The following HDGFL3 variants were observed in gnomAD, a reference collection of about 807,000 sequenced individuals.
The protein encoded by HDGFL3 is hepatoma-derived growth factor-related protein 3.
HDGFL3 carries 6 observed loss-of-function variants against 27.6 expected under a neutral mutation model. The observed-to-expected ratio is 0.22, with a 90% CI of 0.12 to 0.43. The LOEUF (loss-of-function observed/expected upper bound fraction) is 0.43, where lower values mean the gene tolerates loss of function less well. HDGFL3 is among the 20% of genes least tolerant of loss of function. The pLI, the probability that HDGFL3 is intolerant of heterozygous loss-of-function variation, is 1.00. For missense variants in HDGFL3, 207 were observed against 250.1 expected (o/e 0.83, Z 1.16); for synonymous variants, 88 against 88.9 (o/e 0.99, Z 0.05).
chr15:83,151,225 G>A lies in HDGFL3; in HGVS notation c.596C>T (p.Thr199Ile). ...TAAGCACATCCTTACCCCTTCACTG[G>A]TTTTCTGCAAGTCTGAAGTTGTGTT... ...TRNTTSDLQK[T>I]SEGT The change falls in exon 5 of 6, where the codon ACC becomes ATC. Residue 199 changes from threonine (T) to isoleucine (I), a missense_variant. Physicochemically the swap from Thr to Ile is moderately conservative, Grantham distance 89 (BLOSUM62 -1). Transcript: ENST00000299633. 6.2e-7 allele frequency: 1 copy of A among 1,612,290 alleles called. No homozygotes were observed. The highest frequency in any genetic ancestry group is 8.5e-7 in the Non-Finnish European group (1 of 1,179,686).
chr15:83,158,768 C>T (rs2037062539), intron 2 of HDGFL3, among the ~76,000 whole-genome samples: 1 of 152,210 alleles, frequency 6.6e-6, no homozygotes, highest in Non-Finnish European at 1.5e-5. Flanking sequence ...TAGGCATCCA[C>T]TGGAGGTCTT....
chr15:83,141,306 A>G (rs2036766083), intron 5 of HDGFL3, among the ~76,000 whole-genome samples: 1 of 152,146 alleles, frequency 6.6e-6, no homozygotes, highest in African/African-American at 2.4e-5. Flanking sequence ...GCACACTGAG[A>G]GGCTATAGGG....
intron 1 of HDGFL3, chr15:83,169,161 C>G: frequency 2.3e-6 from 1 of 433,290 alleles, no homozygotes; most frequent in Non-Finnish European, 4.6e-6. Flanking sequence ...CAATATCATA[C>G]CAAACAGGCA....
chr15:83,171,354 G>A (rs1229409335), intron 1 of HDGFL3, among the ~76,000 whole-genome samples: 2 of 152,138 alleles, frequency 1.3e-5, no homozygotes, highest in Non-Finnish European at 2.9e-5. Flanking sequence ...AAGAACTTAT[G>A]AATAGAACTA....
At chr15:83,164,426 C>CAGTGAAT (rs939762720) in intron 1 of HDGFL3, among the ~76,000 whole-genome samples, 2 of 115,242 alleles carry the variant, frequency 1.7e-5, no homozygotes, top group Admixed American at 1.8e-4. Context: ...TTTTGAGTAA[C>CAGTGAAT]AGTGAATACA....
At position 83,133,723 on chromosome 15, in the gene HDGFL3, T is replaced by G; in HGVS notation, c.*5547A>C. 1 of 152,280 alleles carries G rather than the reference T, an allele frequency of 6.6e-6. No homozygotes were observed. The highest frequency in any genetic ancestry group is 1.9e-4 in the East Asian group (1 of 5,196). 9.4% of individuals were successfully genotyped at this position (152,280 alleles called of 1,614,324 possible). ...CTTCAGGTCCTGCCATGAGAGGCCT[T>G]GTGCTGCTGGGAACATCACCCAGGA... On this transcript the variant is annotated 3_prime_UTR_variant, in exon 6 of 6. Coordinates refer to ENST00000299633, the MANE Select transcript of HDGFL3 (RefSeq NM_016073.4).
chr15:83,199,928 C>T (rs1206117142), intron 1 of HDGFL3, among the ~76,000 whole-genome samples: 1 of 151,436 alleles, frequency 6.6e-6, no homozygotes, highest in Non-Finnish European at 1.5e-5. Context: ...CACCTGTAAT[C>T]TCAGCTACTC....
chr15:83,139,727 T>G (rs1324176401), intron 5 of HDGFL3, among the ~76,000 whole-genome samples: 2 of 152,166 alleles, frequency 1.3e-5, no homozygotes, highest in Non-Finnish European at 2.9e-5. Flanking sequence ...ACTTAATTAC[T>G]TGTGACACAT....
At chr15:83,150,785 A>G (rs1032518881) in intron 5 of HDGFL3, among the ~76,000 whole-genome samples, 1 of 152,172 alleles carries the variant, frequency 6.6e-6, no homozygotes, top group African/African-American at 2.4e-5. Context: ...CATTGCTTGC[A>G]TATTTAAAGT....
In HDGFL3 at chr15:83,136,432, A is replaced by G; in HGVS notation, c.*2838T>C. ...CCATTCAGAACTCATCATGCATCCA[A>G]CTGAACACGTTTCATGCTTACTCAA... On this transcript the variant is annotated 3_prime_UTR_variant, in exon 6 of 6. Transcript: ENST00000299633. The G allele has an allele frequency of 6.6e-7, 1 of 1,511,544 alleles. No homozygotes were observed. Among genetic ancestry groups the G allele is most frequent in the Middle Eastern group, 1.8e-4 (1 of 5,628 alleles). 93.6% of individuals were successfully genotyped at this position (1,511,544 alleles called of 1,614,324 possible).
At chr15:83,178,655 C>A (rs1006788374) in intron 1 of HDGFL3, among the ~76,000 whole-genome samples, 2 of 151,088 alleles carry the variant, frequency 1.3e-5, no homozygotes, top group African/African-American at 4.9e-5. Flanking sequence ...GACCCTGTCT[C>A]AAAAAATAAA....
At position 83,134,647 on chromosome 15, in the gene HDGFL3, G is replaced by A. The variant is rs965002336; in HGVS notation, c.*4623C>T. On this transcript the variant is annotated 3_prime_UTR_variant, in exon 6 of 6. Transcript: ENST00000299633. ...TTACACAGGCTCCCCTATGCAAGTA[G>A]GCACAACTGCTCATATTTATTCTCT... The A allele has an allele frequency of 6.6e-6, 1 of 152,204 alleles. No individual in the cohort carries two copies. The highest frequency in any genetic ancestry group is 1.9e-4 in the East Asian group (1 of 5,188). 9.4% of individuals were successfully genotyped at this position (152,204 alleles called of 1,614,324 possible).
Position 83,163,924 on chromosome 15 carries a change from T to C in HDGFL3, c.161+75A>G, listed in dbSNP as rs1486853512. ...ATAATGATTTTAATAAGACGTAAGA[T>C]GTCAGAGATCATCCATAACAATGTA... On this transcript the variant is annotated intron_variant, in intron 2 of 5. Transcript: ENST00000299633. The C allele has an allele frequency of 3.3e-6, 3 of 919,284 alleles. No individual in the cohort carries two copies. The African/African-American group carries it at 5.0e-5, about 15-fold the overall frequency. The allele number at this position is 919,284 out of a possible 1,614,324, so 56.9% of individuals were successfully genotyped here.
chr15:83,157,706 C>A, intron 3 of HDGFL3, 133 bp from the exon 4 acceptor site: 1 of 1,019,114 alleles, frequency 9.8e-7, no homozygotes, highest in Non-Finnish European at 1.4e-6. Flanking sequence ...AAAGGGCTGT[C>A]AAACTGAATT....
At chr15:83,205,275 C>A (rs2037703131) in intron 1 of HDGFL3, among the ~76,000 whole-genome samples, 1 of 152,138 alleles carries the variant, frequency 6.6e-6, no homozygotes, top group South Asian at 2.1e-4. Context: ...CTTTTTCTAA[C>A]CTTTACCTTT....
rs551744995 is a variant in HDGFL3, at chr15:83,138,481, T to G, written c.*789A>C. The G allele has an allele frequency of 1.6e-4, 25 of 152,712 alleles. No individual in the cohort carries two copies. Among genetic ancestry groups the G allele is most frequent in the South Asian group, 1.0e-3 (5 of 4,824 alleles). 9.5% of individuals were successfully genotyped at this position (152,712 alleles called of 1,614,324 possible). A position where few individuals can be genotyped will look rare whatever the true frequency, so the allele number is the denominator to read the frequency against. On this transcript the variant is annotated 3_prime_UTR_variant, in exon 6 of 6. Transcript: ENST00000299633. ...AACAGTTTATTTTAAAAGTCTACAT[T>G]TAAAAGTCAATGCTTTGTCTGGTTT...
intron 1 of HDGFL3, among the ~76,000 whole-genome samples, chr15:83,185,562 C>T (rs899811205): frequency 6.6e-6 from 1 of 152,052 alleles, no homozygotes; most frequent in Non-Finnish European, 1.5e-5. Context: ...AGAGGCTACC[C>T]GGAGGCGAGA....
At chr15:83,201,940 T>C (rs2037652335) in intron 1 of HDGFL3, among the ~76,000 whole-genome samples, 1 of 152,184 alleles carries the variant, frequency 6.6e-6, no homozygotes, top group Non-Finnish European at 1.5e-5. Context: ...ACTGATGTAC[T>C]TCTTAGGCCA....
chr15:83,206,604 T>C (rs1198096476), intron 1 of HDGFL3, among the ~76,000 whole-genome samples: 1 of 152,130 alleles, frequency 6.6e-6, no homozygotes, highest in Non-Finnish European at 1.5e-5. Flanking sequence ...AGGCCAAGAA[T>C]AAGGTTTGAG....
Sources: gnomAD v4.1 joint callset for allele counts (sites outside exome capture counted in the v4.1 genomes callset) on GRCh38, gnomAD v4.1.1 for gene constraint, MANE v1.5 for transcripts, NCBI Gene and HGNC (gene_info 2026-07-23, HGNC 2026-07-21) for gene names.